Variants in ALX4 observed in about 807,000 individuals in gnomAD.
ALX4 encodes homeobox protein aristaless-like 4.
In ALX4, 22 loss-of-function variants were observed where a neutral mutation model predicts 40.6. The observed-to-expected ratio is 0.54, with a 90% CI of 0.39 to 0.77. ALX4 has a LOEUF of 0.77. ALX4 is among the 30% of genes least tolerant of loss of function. The pLI is 0.00. For synonymous variants in ALX4, 266 were observed against 240.5 expected (o/e 1.11, Z -0.98); for missense variants, 556 against 564.8 (o/e 0.98, Z 0.16).
intron 1 of ALX4, among the ~76,000 whole-genome samples, chr11:44,277,825 T>C (rs1443452435): frequency 6.6e-6 from 1 of 152,170 alleles, no homozygotes; most frequent in Non-Finnish European, 1.5e-5. Flanking sequence ...CCACTGGCAG[T>C]GCAGACGCCA....
At chr11:44,270,244 G>A (rs188036660) in intron 2 of ALX4, among the ~76,000 whole-genome samples, 151 of 152,306 alleles carry the variant, frequency 9.9e-4, no homozygotes, top group Non-Finnish European at 1.8e-3. Flanking sequence ...CAGATGACCA[G>A]GCGGGGGAGA....
intron 1 of ALX4, among the ~76,000 whole-genome samples, chr11:44,303,353 A>G (rs982374015): frequency 4.6e-5 from 7 of 152,128 alleles, no homozygotes; most frequent in African/African-American, 1.7e-4. Flanking sequence ...AGCCTTGACC[A>G]AGCGGTCCCG....
In ALX4 at chr11:44,264,781, G is replaced by A. The variant is rs1956202805; in HGVS notation, c.*73C>T. ...AGGTTCCTAAGAGGAAAGTCGAGTG[G>A]GAGGCTGGGGGCCTGGAAAACATGG... On this transcript the variant is annotated 3_prime_UTR_variant, in exon 4 of 4. Coordinates refer to ENST00000652299, the MANE Select transcript of ALX4 (RefSeq NM_021926.4). 1.3e-6 allele frequency: 2 copies of A among 1,546,960 alleles called. No homozygotes were observed. Among genetic ancestry groups the A allele is most frequent in the Admixed American group, 1.8e-5 (1 of 57,058 alleles).
intron 1 of ALX4, among the ~76,000 whole-genome samples, chr11:44,277,400 C>T (rs1275229874): frequency 6.6e-6 from 1 of 152,140 alleles, no homozygotes; most frequent in Admixed American, 6.5e-5. Context: ...TTGTCTGTAA[C>T]TTGGGGAAAA....
intron 1 of ALX4, among the ~76,000 whole-genome samples, chr11:44,276,500 G>C (rs1456599582): frequency 2.0e-5 from 3 of 152,216 alleles, no homozygotes; most frequent in Non-Finnish European, 2.9e-5. Flanking sequence ...GCTCAGGACT[G>C]CAAGGACGAG....
intron 1 of ALX4, among the ~76,000 whole-genome samples, chr11:44,278,368 G>A (rs1956290027): frequency 6.6e-6 from 1 of 152,180 alleles, no homozygotes. Flanking sequence ...GCGGTCTTAG[G>A]CCTTATTCCC....
chr11:44,269,766 T>G (rs1956234358), intron 2 of ALX4, among the ~76,000 whole-genome samples: 1 of 152,168 alleles, frequency 6.6e-6, no homozygotes, highest in African/African-American at 2.4e-5. Context: ...TCTTTATCAG[T>G]GGCCTGGGAT....
rs954730060 is a variant in ALX4, at chr11:44,275,620, C to G, written c.505G>C (p.Asp169His). The change falls in exon 2 of 4, where the codon GAC becomes CAC. Residue 169 changes from aspartate (D) to histidine (H), a missense_variant. Asp to His is a moderately conservative substitution (Grantham distance 81). Coordinates refer to ENST00000652299, the MANE Select transcript of ALX4 (RefSeq NM_021926.4). ...SSLGEPELPP[D>H]SDTVGMDSSY... ...CTGTCCATCCCCACAGTGTCAGAGT[C>G]AGGGGGTAACTCTGGCTCACCCAGG... is the stretch of plus-strand genomic sequence containing the variant. The G allele has an allele frequency of 6.2e-7, 1 of 1,613,576 alleles. No homozygotes were observed. The highest frequency in any genetic ancestry group is 8.5e-7 in the Non-Finnish European group (1 of 1,179,636).
chr11:44,305,462 G>C (rs755812470), intron 1 of ALX4, among the ~76,000 whole-genome samples: 10 of 152,118 alleles, frequency 6.6e-5, no homozygotes, highest in Non-Finnish European at 1.3e-4. Flanking sequence ...TCAGTCCCAG[G>C]CTCGAGTTTT....
intron 1 of ALX4, among the ~76,000 whole-genome samples, chr11:44,284,597 C>T (rs1032344300): frequency 2.0e-5 from 3 of 152,168 alleles, no homozygotes; most frequent in African/African-American, 7.2e-5. Flanking sequence ...TTCAGGGTCC[C>T]GAAGGCAGGA....
chr11:44,309,870 G>A lies in ALX4; in HGVS notation c.193C>T (p.Arg65Cys), dbSNP rs1288616124. 3 of 1,570,008 alleles carry A rather than the reference G, an allele frequency of 1.9e-6. No homozygotes were observed. The highest frequency in any genetic ancestry group is 2.6e-6 in the Non-Finnish European group (3 of 1,156,872). ...AGGTCCTGCTGCCCAGCGCCGTAAC[G>A]GGCCCGGCTCTTGGCGTCCCCGAAT... ...QGFGDAKSRA[R>C]YGAGQQDLAT... The change falls in exon 1 of 4, where the codon CGT (arginine) becomes TGT (cysteine). Residue 65 changes from arginine to cysteine, a missense_variant. Coordinates refer to ENST00000652299, the MANE Select transcript of ALX4 (RefSeq NM_021926.4).
intron 1 of ALX4, among the ~76,000 whole-genome samples, chr11:44,301,356 G>A (rs1309714676): frequency 6.6e-6 from 1 of 152,206 alleles, no homozygotes; most frequent in East Asian, 1.9e-4. Flanking sequence ...ACAGTGGGAG[G>A]AGTTGGTCAT....
At chr11:44,290,105 T>A (rs1274757962) in intron 1 of ALX4, among the ~76,000 whole-genome samples, 2 of 152,168 alleles carry the variant, frequency 1.3e-5, no homozygotes, top group East Asian at 3.9e-4. Flanking sequence ...CTGCCCATTG[T>A]CCCTCTCAAG....
At chr11:44,270,165 G>A (rs1166598343) in intron 2 of ALX4, among the ~76,000 whole-genome samples, 1 of 152,098 alleles carries the variant, frequency 6.6e-6, no homozygotes, top group Non-Finnish European at 1.5e-5. Flanking sequence ...GTGGGGGAGT[G>A]GAATGTGGGG....
chr11:44,275,288 C>T, intron 2 of ALX4, 60 bp downstream of exon 2: 2 of 1,583,422 alleles, frequency 1.3e-6, no homozygotes, highest in Non-Finnish European at 8.7e-7. Flanking sequence ...CCAACTGCAG[C>T]CAAGAGCCCA....
chr11:44,287,354 A>G (rs1956344793), intron 1 of ALX4, among the ~76,000 whole-genome samples: 2 of 152,176 alleles, frequency 1.3e-5, no homozygotes, highest in African/African-American at 4.8e-5. Context: ...ACAAAGTACT[A>G]GGGCATCTAT....
Position 44,264,503 on chromosome 11 carries a change from G to C in ALX4, c.*351C>G. ...GCTGCTGGGTCTGCATGGAAATCTA[G>C]CATTGACTCATGGTCAACTAGGCAG... On this transcript the variant is annotated 3_prime_UTR_variant, in exon 4 of 4. Coordinates refer to ENST00000652299, the MANE Select transcript of ALX4 (RefSeq NM_021926.4). 1 of 331,572 alleles carries C rather than the reference G, an allele frequency of 3.0e-6. No individual in the cohort carries two copies. Among genetic ancestry groups the C allele is most frequent in the Non-Finnish European group, 5.6e-6 (1 of 177,278 alleles). 20.5% of individuals were successfully genotyped at this position (331,572 alleles called of 1,614,324 possible). A position where few individuals can be genotyped will look rare whatever the true frequency, so the allele number is the denominator to read the frequency against.
chr11:44,307,811 C>T (rs547981205), intron 1 of ALX4, among the ~76,000 whole-genome samples: 15 of 151,096 alleles, frequency 9.9e-5, no homozygotes, highest in South Asian at 6.3e-4. Flanking sequence ...TGTCCATGTG[C>T]GGAGCTGTGT....
chr11:44,271,157 A>ACCC (rs77087544), intron 2 of ALX4, among the ~76,000 whole-genome samples: 4 of 124,874 alleles, frequency 3.2e-5, no homozygotes, highest in African/African-American at 1.1e-4. Flanking sequence ...CCACCCCCTT[A>ACCC]CCCCCCCAGG....
Sources: allele counts gnomAD v4.1 joint callset (sites outside exome capture counted in the v4.1 genomes callset), GRCh38; gene constraint gnomAD v4.1.1; transcripts MANE v1.5; gene names NCBI Gene and HGNC (gene_info 2026-07-23, HGNC 2026-07-21).